LCORL: variants seen among roughly 807,000 people sequenced by gnomAD.
LCORL encodes ligand-dependent nuclear receptor corepressor-like protein.
In LCORL, 41 loss-of-function variants were observed where a neutral mutation model predicts 141.8. The ratio of observed to expected loss-of-function variants is 0.29; its 90% CI spans 0.23 to 0.38. The LOEUF (loss-of-function observed/expected upper bound fraction) is 0.38. Among genes scored for constraint, LCORL ranks in the 10% least tolerant of loss-of-function variants. The pLI is 1.00. For synonymous variants in LCORL, 618 were observed against 694.1 expected (o/e 0.89, Z 1.72); for missense variants, 1,759 against 2,035.0 (o/e 0.86, Z 2.61).
chr4:17,843,239 A>G, exon 8 of LCORL: 2 of 1,538,376 alleles, frequency 1.3e-6, no homozygotes, highest in Non-Finnish European at 1.8e-6. Flanking sequence ...AAAAAGTTTT[A>G]TTTATAAATA....
chr4:17,877,937 G>C, exon 7 of LCORL: 2 of 1,230,570 alleles, frequency 1.6e-6, no homozygotes, highest in Non-Finnish European at 2.0e-6. Context: ...TTTGTTTTTC[G>C]TTTTGTAAAC....
chr4:17,966,340 T>C (rs1381258219), intron 2 of LCORL, among the ~76,000 whole-genome samples: 1 of 152,084 alleles, frequency 6.6e-6, no homozygotes, highest in Non-Finnish European at 1.5e-5. Context: ...CTACTGATCC[T>C]ATGGGCATTA....
In LCORL at chr4:17,884,087, T is replaced by G; in HGVS notation, c.776+1981A>C. On this transcript the variant is annotated intron_variant, in intron 6 of 7. Coordinates refer to ENST00000635767, the Ensembl canonical transcript of LCORL. The surrounding 1 kb of genome is among the most constrained non-coding windows in gnomAD (Gnocchi z 4.4). ...AAGACACAAAGGAGAGAGGTCCCCA[T>G]GTAGAAAGTAAGAGTCAACACTTGA... 1.3e-6 allele frequency: 2 copies of G among 1,550,648 alleles called. No individual in the cohort carries two copies. Among genetic ancestry groups the G allele is most frequent in the Non-Finnish European group, 1.7e-6 (2 of 1,146,308 alleles).
At chr4:17,990,425 A>G (rs777128743) in intron 1 of LCORL, among the ~76,000 whole-genome samples, 5 of 142,466 alleles carry the variant, frequency 3.5e-5, no homozygotes, top group Non-Finnish European at 7.6e-5. Flanking sequence ...AAAAGGGCTC[A>G]TTTAAGTTTA....
intron 4 of LCORL, among the ~76,000 whole-genome samples, chr4:17,938,927 C>T (rs1411224005): frequency 6.6e-6 from 1 of 152,162 alleles, no homozygotes; most frequent in Non-Finnish European, 1.5e-5. Context: ...ACTAACACAT[C>T]TTCAACCTCA....
At chr4:17,857,660 T>C (rs904953628) in intron 7 of LCORL, among the ~76,000 whole-genome samples, 2 of 152,144 alleles carry the variant, frequency 1.3e-5, no homozygotes, top group African/African-American at 4.8e-5. Flanking sequence ...GTGCTAGACA[T>C]TGTAGAATTT....
intron 1 of LCORL, chr4:18,020,828 A>C (rs1417516017): frequency 1.3e-5 from 2 of 152,346 alleles, no homozygotes. Context: ...GGGCGTCCGC[A>C]AGCAGACGGG....
At chr4:17,942,691 G>A (rs993289150) in intron 4 of LCORL, among the ~76,000 whole-genome samples, 21 of 152,124 alleles carry the variant, frequency 1.4e-4, no homozygotes, top group African/African-American at 5.1e-4. Flanking sequence ...AAGATACTGA[G>A]AAAATCTATG....
chr4:17,877,277 T>C, exon 7 of LCORL: 3 of 1,230,096 alleles, frequency 2.4e-6, no homozygotes, highest in Non-Finnish European at 3.0e-6. Context: ...GCAAGAGAGA[T>C]GTTATGAAAT....
chr4:17,992,072 A>ATCTGC (rs1476393948), intron 1 of LCORL, among the ~76,000 whole-genome samples: 1 of 152,238 alleles, frequency 6.6e-6, no homozygotes, highest in African/African-American at 2.4e-5. Context: ...TAATCTGCTT[A>ATCTGC]TATTAGTTCA....
At chr4:17,978,795 G>A (rs191337336) in intron 1 of LCORL, among the ~76,000 whole-genome samples, 1 of 152,276 alleles carries the variant, frequency 6.6e-6, no homozygotes, top group East Asian at 1.9e-4. Flanking sequence ...CAAGGGCACT[G>A]CATGCTGATT....
chr4:17,985,873 T>TA (rs1161005687), intron 1 of LCORL, among the ~76,000 whole-genome samples: 21 of 152,160 alleles, frequency 1.4e-4, no homozygotes, highest in Non-Finnish European at 2.6e-4. Context: ...TCTGTGTACT[T>TA]AAGTGTTCTT....
At chr4:17,907,285 G>C (rs1377247947) in intron 5 of LCORL, among the ~76,000 whole-genome samples, 4 of 152,176 alleles carry the variant, frequency 2.6e-5, no homozygotes, top group Non-Finnish European at 4.4e-5. Context: ...TGCGGTGAGA[G>C]TAGTATTTGA....
At chr4:17,992,903 T>G (rs148497836) in intron 1 of LCORL, among the ~76,000 whole-genome samples, 3 of 152,276 alleles carry the variant, frequency 2.0e-5, no homozygotes, top group Non-Finnish European at 2.9e-5. Flanking sequence ...CAAAAAGACA[T>G]TAAGACAAAA....
intron 7 of LCORL, 115 bp from the exon 8 acceptor site, chr4:17,846,016 T>G: frequency 1.3e-6 from 1 of 777,194 alleles, no homozygotes; most frequent in Non-Finnish European, 2.1e-6. Flanking sequence ...TTAGCATACA[T>G]AAAGCATTTA....
chr4:17,886,515 T>C (rs963146259), intron 5 of LCORL, among the ~76,000 whole-genome samples: 5 of 152,030 alleles, frequency 3.3e-5, no homozygotes, highest in African/African-American at 1.2e-4. Flanking sequence ...GATAATGCTT[T>C]GGGAAGGTGG....
intron 7 of LCORL, among the ~76,000 whole-genome samples, chr4:17,858,231 T>C (rs1724584001): frequency 6.6e-6 from 1 of 151,926 alleles, no homozygotes; most frequent in Non-Finnish European, 1.5e-5. Context: ...ATATCCTAGA[T>C]GGTATTAATA....
At chr4:17,993,253 G>A (rs1720345878) in intron 1 of LCORL, among the ~76,000 whole-genome samples, 1 of 152,146 alleles carries the variant, frequency 6.6e-6, no homozygotes, top group Non-Finnish European at 1.5e-5. Context: ...CGCCCAGGCT[G>A]GAGTGCAGTG....
intron 4 of LCORL, among the ~76,000 whole-genome samples, chr4:17,956,962 T>C (rs2109572764): frequency 1.3e-5 from 2 of 152,080 alleles, no homozygotes; most frequent in East Asian, 3.9e-4. Flanking sequence ...ATGAGAGTAT[T>C]GGGATAAGAT....
Sources: allele counts gnomAD v4.1 joint callset (sites outside exome capture counted in the v4.1 genomes callset), GRCh38; gene constraint gnomAD v4.1.1; non-coding constraint Gnocchi (gnomAD v3.1); transcripts MANE v1.5; gene names NCBI Gene and HGNC (gene_info 2026-07-23, HGNC 2026-07-21).